The following IKBKE variants were observed in gnomAD, a reference collection of about 807,000 sequenced individuals.
IKBKE encodes the protein inhibitor of nuclear factor kappa B kinase subunit epsilon.
IKBKE carries 45 observed loss-of-function variants against 92.1 expected under a neutral mutation model. That is an observed-to-expected ratio of 0.49 (90% confidence interval 0.38 to 0.63). IKBKE has a LOEUF of 0.63. Among genes scored for constraint, IKBKE ranks in the 20% least tolerant of loss-of-function variants. The probability of loss-of-function intolerance (pLI) is 0.00; values close to 1 mark genes in which losing one functional copy is unlikely to be tolerated. For synonymous variants in IKBKE, 374 were observed against 380.3 expected (o/e 0.98, Z 0.19); for missense variants, 700 against 932.8 (o/e 0.75, Z 3.25).
In IKBKE at chr1:206,478,613, A is replaced by G. The variant is rs1385847231; in HGVS notation, c.992+274A>G. On this transcript the variant is annotated intron_variant, in intron 9 of 21. Transcript: ENST00000581977. The surrounding 1 kb of genome is among the most constrained non-coding windows in gnomAD (Gnocchi z 4.8). Reference sequence around the variant, plus strand: ...GGTGTATGTTGGCTGTACATTTCGTAAAGGTACTGCTCATAGTACCCTTGA... The same window carrying G: ...GGTGTATGTTGGCTGTACATTTCGTGAAGGTACTGCTCATAGTACCCTTGA... Among the ~76,000 whole-genome samples the G allele has an allele frequency of 6.6e-6, 1 of 152,170 alleles. No individual in the cohort carries two copies. Among genetic ancestry groups the G allele is most frequent in the Admixed American group, 6.5e-5 (1 of 15,282 alleles).
At position 206,488,007 on chromosome 1, in the gene IKBKE, C is replaced by T. The variant is rs1553389237; in HGVS notation, c.1693+17C>T. On this transcript the variant is annotated intron_variant, in intron 16 of 21. Transcript: ENST00000581977. ...TGAGGCCAGGTGAGCCCGGGGAGGGCAGATGCCCCTTCTCTCTCCTCTGTC... is the reference window on the plus strand; with the variant it reads ...TGAGGCCAGGTGAGCCCGGGGAGGGTAGATGCCCCTTCTCTCTCCTCTGTC... 1 of 1,577,210 alleles carries T rather than the reference C, an allele frequency of 6.3e-7. No individual in the cohort carries two copies. The highest frequency in any genetic ancestry group is 8.7e-7 in the Non-Finnish European group (1 of 1,147,316).
intron 20 of IKBKE, 114 bp from the exon 21 acceptor site, chr1:206,493,806 A>G: frequency 1.3e-6 from 1 of 742,060 alleles, no homozygotes; most frequent in Non-Finnish European, 2.2e-6. Context: ...CAAACAAAAA[A>G]GAATAAAGAG....
At chr1:206,474,741 A>G (rs1159080630) in intron 4 of IKBKE, 124 bp from the exon 5 acceptor site, 1 of 1,190,208 alleles carries the variant, frequency 8.4e-7, no homozygotes, top group African/African-American at 1.5e-5. Flanking sequence ...CCAAGGAGGG[A>G]AGGCCAGGCC....
At chr1:206,477,025 G>A (rs1054096964) in intron 7 of IKBKE, among the ~76,000 whole-genome samples, 187 bp downstream of exon 7, 2 of 152,198 alleles carry the variant, frequency 1.3e-5, no homozygotes, top group Admixed American at 1.3e-4. Flanking sequence ...GCTCTGCCCA[G>A]GGCTGATGGG....
intron 2 of IKBKE, among the ~76,000 whole-genome samples, chr1:206,471,741 G>A (rs555893688): frequency 1.3e-5 from 2 of 152,296 alleles, no homozygotes; most frequent in East Asian, 3.9e-4. Context: ...GCTCCTACCT[G>A]ATCTGAAACT....
At position 206,478,709 on chromosome 1, in the gene IKBKE, G is replaced by C. The variant is rs895659732; in HGVS notation, c.993-234G>C. ...GACAGGAAGAGGTGCAGAGGCAAAG[G>C]CTGGGTATTAGGACTCCTGGGACCT... is the stretch of plus-strand genomic sequence containing the variant. On this transcript the variant is annotated intron_variant, in intron 9 of 21. Coordinates refer to ENST00000581977, the MANE Select transcript of IKBKE (RefSeq NM_014002.4). This position sits in a 1 kb window ranked among gnomAD's most constrained non-coding sequence, Gnocchi z 4.8. Among the ~76,000 whole-genome samples the C allele has an allele frequency of 3.3e-5, 5 of 152,084 alleles. No individual in the cohort carries two copies. The highest frequency in any genetic ancestry group is 6.5e-5 in the Admixed American group (1 of 15,270).
At chr1:206,488,946 A>G (rs1433466195) in intron 16 of IKBKE, among the ~76,000 whole-genome samples, 4 of 152,166 alleles carry the variant, frequency 2.6e-5, no homozygotes, top group African/African-American at 4.8e-5. Context: ...CTAAGGAAAT[A>G]CCTTATATTC....
At chr1:206,492,606 T>C in intron 18 of IKBKE, 1 of 473,966 alleles carries the variant, frequency 2.1e-6, no homozygotes, top group South Asian at 1.5e-5. Context: ...GGGGAAAATG[T>C]TCCTGTTCCT....
intron 13 of IKBKE, 82 bp from the exon 14 acceptor site, chr1:206,484,915 C>A: frequency 9.1e-7 from 1 of 1,094,772 alleles, no homozygotes; most frequent in Non-Finnish European, 1.4e-6. Context: ...CTATGCCCAG[C>A]ATGTGCCAAC....
chr1:206,484,960 G>A (rs1366110353), intron 13 of IKBKE, 37 bp from the exon 14 acceptor site: 1 of 1,578,346 alleles, frequency 6.3e-7, no homozygotes, highest in African/African-American at 1.3e-5. Flanking sequence ...CTGCTCCTAA[G>A]CCCCCAAATG....
chr1:206,483,385 T>C (rs2103468993), intron 13 of IKBKE, among the ~76,000 whole-genome samples: 1 of 152,350 alleles, frequency 6.6e-6, no homozygotes, highest in South Asian at 2.1e-4. Flanking sequence ...AAATTTCCCA[T>C]GCCTTAAAAT....
rs200867261 is a variant in IKBKE at position 206,479,835 on chromosome 1, C to G, written c.1184-35C>G. 1.2e-4 allele frequency: 195 copies of G among 1,609,666 alleles called. 1 individual carries two copies. The highest frequency in any genetic ancestry group is 3.3e-4 in the Middle Eastern group (2 of 6,060). On this transcript the variant is annotated intron_variant, in intron 10 of 21. Transcript: ENST00000581977. ...AAAGATAAGCCGACCCAGCACCATACAGGCAGGCCCCTCAGACAGGGTCTT... is the reference window on the plus strand; with the variant it reads ...AAAGATAAGCCGACCCAGCACCATAGAGGCAGGCCCCTCAGACAGGGTCTT...
chr1:206,490,960 C>T lies in IKBKE; in HGVS notation c.1733+102C>T. 1 of 1,099,034 alleles carries T rather than the reference C, an allele frequency of 9.1e-7. No individual in the cohort carries two copies. The highest frequency in any genetic ancestry group is 1.4e-6 in the Non-Finnish European group (1 of 719,438). 68.1% of individuals were successfully genotyped at this position (1,099,034 alleles called of 1,614,324 possible). On this transcript the variant is annotated intron_variant, in intron 17 of 21. Transcript: ENST00000581977. The surrounding 1 kb of genome is among the most constrained non-coding windows in gnomAD (Gnocchi z 5.2). ...AGGAGAGGCAGTGAAGGGCCCTGTC[C>T]CGGACTGCAGCTGAGCAGAGTTGGG... is the stretch of plus-strand genomic sequence containing the variant.
rs782028061 is a variant in IKBKE at position 206,474,950 on chromosome 1, T to G, written c.314T>G (p.Phe105Cys). ...GTGCTGGAGAGCCCTGAGAATGCCTTTGGGCTGCCTGAGGATGAGTTCCTG... is the reference window on the plus strand; with the variant it reads ...GTGCTGGAGAGCCCTGAGAATGCCTGTGGGCTGCCTGAGGATGAGTTCCTG... ...LSVLESPENA[F>C]GLPEDEFLVV... Residue 105 changes from phenylalanine (F) to cysteine (C), a missense_variant, in exon 5 of 22, where the codon TTT becomes TGT. By Grantham distance (205) the Phe-to-Cys change is radical. Coordinates refer to ENST00000581977, the MANE Select transcript of IKBKE (RefSeq NM_014002.4). 1.4e-5 allele frequency: 23 copies of G among 1,613,984 alleles called. No homozygotes were observed. Among genetic ancestry groups the G allele is most frequent in the Non-Finnish European group, 1.9e-5 (23 of 1,180,006 alleles).
rs192187934 is a variant in IKBKE, at chr1:206,485,680, G to A, written c.1616+374G>A. On this transcript the variant is annotated intron_variant, in intron 15 of 21. Transcript: ENST00000581977. This position sits in a 1 kb window ranked among gnomAD's most constrained non-coding sequence, Gnocchi z 5.0. The stretch of plus-strand genomic sequence containing the variant: ...ATCCTGAAAACAATAATGATGCTAT[G>A]ATAATGCCCTTTTTATAGAACCTCA... Among the ~76,000 whole-genome samples the A allele has an allele frequency of 6.6e-6, 1 of 152,328 alleles. No homozygotes were observed. The highest frequency in any genetic ancestry group is 1.9e-4 in the East Asian group (1 of 5,190).
At chr1:206,495,115 T>C (rs1666162482) in intron 21 of IKBKE, among the ~76,000 whole-genome samples, 1 of 152,096 alleles carries the variant, frequency 6.6e-6, no homozygotes, top group Admixed American at 6.6e-5. Flanking sequence ...GCGGCCCTGT[T>C]TATATACATG....
intron 13 of IKBKE, among the ~76,000 whole-genome samples, chr1:206,482,102 AAAG>A (rs1236704738): frequency 6.6e-6 from 1 of 152,114 alleles, no homozygotes; most frequent in Non-Finnish European, 1.5e-5. Flanking sequence ...TTAAGGCCAG[AAAG>A]AAGAAGAATA....
chr1:206,480,314 C>T (rs1259370550), intron 12 of IKBKE, 133 bp from the exon 13 acceptor site: 2 of 544,008 alleles, frequency 3.7e-6, no homozygotes, highest in East Asian at 3.2e-5. Flanking sequence ...TAGGTGGAGG[C>T]AGGCCGGAGG....
chr1:206,491,676 C>A lies in IKBKE; in HGVS notation c.1762C>A (p.Leu588Ile). 1.2e-6 allele frequency: 2 copies of A among 1,613,498 alleles called. No homozygotes were observed. Among genetic ancestry groups the A allele is most frequent in the Non-Finnish European group, 1.7e-6 (2 of 1,179,572 alleles). The change falls in exon 18 of 22, where the codon CTC becomes ATC. Residue 588 changes from leucine to isoleucine, a missense_variant. Coordinates refer to ENST00000581977, the MANE Select transcript of IKBKE (RefSeq NM_014002.4). Reference protein sequence around the residue: ...KVNFSHLAKRLLQVFQEECVQ... With the variant: ...KVNFSHLAKRILQVFQEECVQ... ...GAATTTCAGTCATTTAGCCAAAAGA[C>A]TCCTGCAGGTGTTCCAGGAGGAGTG... is the stretch of plus-strand genomic sequence containing the variant.
Sources: allele counts gnomAD v4.1 joint callset (sites outside exome capture counted in the v4.1 genomes callset), GRCh38; gene constraint gnomAD v4.1.1; non-coding constraint Gnocchi (gnomAD v3.1); transcripts MANE v1.5; gene names NCBI Gene and HGNC (gene_info 2026-07-23, HGNC 2026-07-21).